Variants in TTC39B observed in about 807,000 individuals in gnomAD.
The protein encoded by TTC39B is tetratricopeptide repeat domain 39B, also known as tetratricopeptide repeat protein 39B.
TTC39B carries 92 observed loss-of-function variants against 96.6 expected under a neutral mutation model. That is an observed-to-expected ratio of 0.95 (90% CI 0.80 to 1.13). The LOEUF (loss-of-function observed/expected upper bound fraction) is 1.13, where lower values mean the gene tolerates loss of function less well. Among genes scored for constraint, TTC39B ranks in the 50% most tolerant of loss-of-function variants. TTC39B has a pLI of 0.00. For synonymous variants in TTC39B, 367 were observed against 299.4 expected (o/e 1.23, Z -2.33); for missense variants, 955 against 809.3 (o/e 1.18, Z -2.18).
chr9:15,176,987 T>C (rs1177998964), intron 18 of TTC39B, among the ~76,000 whole-genome samples: 1 of 152,160 alleles, frequency 6.6e-6, no homozygotes, highest in Admixed American at 6.5e-5. Flanking sequence ...ACAGAAGAAC[T>C]GCCCTTTGCC....
chr9:15,295,072 C>T (rs1268772981), intron 1 of TTC39B, among the ~76,000 whole-genome samples: 2 of 152,150 alleles, frequency 1.3e-5, no homozygotes, highest in Non-Finnish European at 2.9e-5. Context: ...TTGATGCTTA[C>T]ATGCACATGA....
intron 2 of TTC39B, among the ~76,000 whole-genome samples, chr9:15,253,530 G>A (rs2131513739): frequency 6.6e-6 from 1 of 152,332 alleles, no homozygotes; most frequent in Non-Finnish European, 1.5e-5. Flanking sequence ...CTCCAGAACT[G>A]TAAGAAAATA....
intron 1 of TTC39B, among the ~76,000 whole-genome samples, chr9:15,279,255 A>G (rs1180585258): frequency 6.6e-6 from 1 of 152,202 alleles, no homozygotes; most frequent in African/African-American, 2.4e-5. Context: ...TCCAGCTGTA[A>G]CAGAAAATTG....
chr9:15,230,080 A>T (rs968155353), intron 2 of TTC39B, among the ~76,000 whole-genome samples: 5 of 152,198 alleles, frequency 3.3e-5, no homozygotes, highest in African/African-American at 1.2e-4. Flanking sequence ...ACTGATATGC[A>T]TGTACCCTTG....
Position 15,237,087 on chromosome 9 carries a change from G to A in TTC39B, c.276-11075C>T, listed in dbSNP as rs943172641. Among the ~76,000 whole-genome samples, 4 of 152,162 alleles carry A rather than the reference G, an allele frequency of 2.6e-5. No individual in the cohort carries two copies. In the South Asian group the frequency reaches 8.3e-4, roughly 31 times the overall value. On this transcript the variant is annotated intron_variant, in intron 2 of 19. Transcript: ENST00000512701. Reference sequence around the variant, plus strand: ...CCCAGCACTTTGGGAGGCCCAGGCGGATGGATCACCTGATGTCAGGAGTTT... The same window carrying A: ...CCCAGCACTTTGGGAGGCCCAGGCGAATGGATCACCTGATGTCAGGAGTTT...
In TTC39B at chr9:15,214,358, GTGTC is replaced by G. The variant is rs1179624373; in HGVS notation, c.372-113_372-110del. 1.3e-3 allele frequency: 945 copies of G among 730,378 alleles called. 2 individuals carry two copies. Among genetic ancestry groups the G allele is most frequent in the East Asian group, 5.2e-3 (183 of 35,260 alleles). The allele number at this position is 730,378 out of a possible 1,614,324, so 45.2% of individuals were successfully genotyped here. A position where few individuals can be genotyped will look rare whatever the true frequency, so the allele number is the denominator to read the frequency against. ...TGTGTGTGTGTGTGTCTGTGTGTGT[GTGTC>G]TGTGTGTGTGTCTGTGTGTGGATTC... On this transcript the variant is annotated intron_variant, in intron 3 of 19. Coordinates refer to ENST00000512701, the Ensembl canonical transcript of TTC39B.
chr9:15,170,140 GTACC>G (rs1414340094), exon 20 of TTC39B: 1 of 23,924 alleles, frequency 4.2e-5, no homozygotes, highest in Non-Finnish European at 7.2e-5. Context: ...TATTTTGTCT[GTACC>G]TAAAGTTGTA....
At chr9:15,196,068 G>T (rs1819149530) in intron 8 of TTC39B, among the ~76,000 whole-genome samples, 1 of 152,156 alleles carries the variant, frequency 6.6e-6, no homozygotes, top group Non-Finnish European at 1.5e-5. Context: ...TTCACAGCAT[G>T]GTTTACTAAA....
intron 2 of TTC39B, among the ~76,000 whole-genome samples, chr9:15,232,870 G>A (rs1019462414): frequency 6.6e-6 from 1 of 152,158 alleles, no homozygotes; most frequent in African/African-American, 2.4e-5. Context: ...ATCAGCCTCC[G>A]CCCTTCTCAA....
At chr9:15,264,509 C>G (rs1164227638) in intron 2 of TTC39B, among the ~76,000 whole-genome samples, 1 of 151,804 alleles carries the variant, frequency 6.6e-6, no homozygotes, top group African/African-American at 2.4e-5. Context: ...CAAAAATTAG[C>G]TGGACGTAGT....
At chr9:15,226,010 G>C (rs1248298748) in exon 3 of TTC39B, 1 of 1,613,090 alleles carries the variant, frequency 6.2e-7, no homozygotes. Flanking sequence ...TGAGTGAGAA[G>C]ATCTGTTAAT....
At chr9:15,232,058 G>A (rs1039420678) in intron 2 of TTC39B, among the ~76,000 whole-genome samples, 3 of 152,048 alleles carry the variant, frequency 2.0e-5, no homozygotes, top group Non-Finnish European at 4.4e-5. Flanking sequence ...ATCCAGTTCT[G>A]CCCAGCTATG....
At chr9:15,242,512 G>A (rs780055991) in intron 2 of TTC39B, among the ~76,000 whole-genome samples, 48 of 152,156 alleles carry the variant, frequency 3.2e-4, no homozygotes, top group Non-Finnish European at 5.4e-4. Flanking sequence ...GAAACAGGAC[G>A]GTTGAGGCTG....
At chr9:15,212,380 CAAA>C (rs200310557) in intron 4 of TTC39B, among the ~76,000 whole-genome samples, 19 of 105,616 alleles carry the variant, frequency 1.8e-4, no homozygotes, top group East Asian at 4.4e-4. Context: ...TTTCAAGAAG[CAAA>C]AAAAAAAAAA....
chr9:15,197,616 G>C (rs1819247818), intron 8 of TTC39B, among the ~76,000 whole-genome samples: 2 of 152,038 alleles, frequency 1.3e-5, no homozygotes, highest in South Asian at 4.1e-4. Context: ...CAGGAGAGAA[G>C]AAAGTAAGAA....
chr9:15,168,846 G>C (rs1348216488), exon 20 of TTC39B: 1 of 151,946 alleles, frequency 6.6e-6, no homozygotes, highest in African/African-American at 2.4e-5. Context: ...AAAATAAAAG[G>C]AGTGGAAAGT....
chr9:15,292,281 G>T (rs1347906015), intron 1 of TTC39B, among the ~76,000 whole-genome samples: 2 of 152,258 alleles, frequency 1.3e-5, no homozygotes, highest in East Asian at 1.9e-4. Flanking sequence ...GGTCCCATAA[G>T]ATTGGAGTGG....
intron 1 of TTC39B, among the ~76,000 whole-genome samples, chr9:15,303,178 T>C (rs1356573486): frequency 6.6e-6 from 1 of 151,866 alleles, no homozygotes; most frequent in African/African-American, 2.4e-5. Flanking sequence ...AAAAAAAAAA[T>C]CTATGAACAT....
intron 2 of TTC39B, among the ~76,000 whole-genome samples, chr9:15,238,744 T>C (rs1234311618): frequency 6.6e-6 from 1 of 152,138 alleles, no homozygotes; most frequent in African/African-American, 2.4e-5. Context: ...CCAGCACTTT[T>C]GGAGGCTGAG....
Sources: gnomAD v4.1 joint callset for allele counts (sites outside exome capture counted in the v4.1 genomes callset) on GRCh38, gnomAD v4.1.1 for gene constraint, MANE v1.5 for transcripts, NCBI Gene and HGNC (gene_info 2026-07-23, HGNC 2026-07-21) for gene names.